Variants in DISP1 observed in about 807,000 individuals in gnomAD.
The protein encoded by DISP1 is dispatched RND transporter family member 1, also known as protein dispatched homolog 1.
Under a neutral mutation model 37.3 loss-of-function variants are expected in DISP1, and 30 were observed. That is an observed-to-expected ratio of 0.80 (90% CI 0.60 to 1.09). The LOEUF is 1.09. Among genes scored for constraint, DISP1 ranks in the 50% least tolerant of loss-of-function variants. The probability of loss-of-function intolerance (pLI) is 0.00; values close to 1 mark genes in which losing one functional copy is unlikely to be tolerated. For missense variants in DISP1, 1,598 were observed against 1,879.5 expected, an observed-to-expected ratio of 0.85 and a Z score of 2.77; for synonymous variants, 634 against 690.2, an observed-to-expected ratio of 0.92 and a Z score of 1.28.
At chr1:222,988,763 C>G (rs1253352311) in intron 4 of DISP1, among the ~76,000 whole-genome samples, 1 of 151,386 alleles carries the variant, frequency 6.6e-6, no homozygotes, top group Non-Finnish European at 1.5e-5. Context: ...AAGTAATTCT[C>G]CTGCCTCAGC....
At chr1:222,838,206 T>C (rs1667364175) in intron 1 of DISP1, among the ~76,000 whole-genome samples, 2 of 152,190 alleles carry the variant, frequency 1.3e-5, no homozygotes, top group Non-Finnish European at 2.9e-5. Flanking sequence ...TTCATTGTTA[T>C]AATTATGTAT....
rs186453195 is a variant in DISP1, at chr1:222,938,218, A to G, written c.-17-4589A>G. On this transcript the variant is annotated intron_variant, in intron 2 of 8. Coordinates refer to ENST00000675850, the MANE Select transcript of DISP1 (RefSeq NM_001377229.1). The stretch of plus-strand genomic sequence containing the variant: ...AGTTACTCATTATATTTTACCCAAA[A>G]CCGATTTTAAACTTTCACTATAAAT... Among the ~76,000 whole-genome samples, 362 of 152,092 alleles carry G rather than the reference A, an allele frequency of 2.4e-3. 1 individual carries two copies. Among genetic ancestry groups the G allele is most frequent in the African/African-American group, 8.4e-3 (349 of 41,530 alleles).
chr1:222,879,492 G>A (rs1670155805), intron 1 of DISP1, among the ~76,000 whole-genome samples: 1 of 151,996 alleles, frequency 6.6e-6, no homozygotes, highest in Admixed American at 6.5e-5. Flanking sequence ...AGATATTTTG[G>A]AAATTATATA....
intron 3 of DISP1, among the ~76,000 whole-genome samples, chr1:222,973,518 C>CAA (rs1350755142): frequency 3.3e-5 from 5 of 152,132 alleles, no homozygotes; most frequent in Admixed American, 2.0e-4. Flanking sequence ...AATGTGTACT[C>CAA]ACATTGTGTA....
At chr1:222,874,574 G>C (rs940773267) in intron 1 of DISP1, among the ~76,000 whole-genome samples, 1 of 151,880 alleles carries the variant, frequency 6.6e-6, no homozygotes, top group African/African-American at 2.4e-5. Flanking sequence ...TTGTGCATTC[G>C]TCATGTAGTT....
chr1:222,900,905 T>C (rs1558319180), intron 1 of DISP1, among the ~76,000 whole-genome samples: 1 of 152,204 alleles, frequency 6.6e-6, no homozygotes, highest in African/African-American at 2.4e-5. Context: ...TTTACTTGTT[T>C]TGTGTTATTT....
intron 1 of DISP1, among the ~76,000 whole-genome samples, chr1:222,914,558 A>G (rs754087368): frequency 4.6e-5 from 7 of 152,172 alleles, no homozygotes; most frequent in Admixed American, 1.3e-4. Flanking sequence ...TGCAAATACT[A>G]TTATGAATAT....
intron 1 of DISP1, among the ~76,000 whole-genome samples, chr1:222,840,091 C>T (rs1359543447): frequency 6.6e-6 from 1 of 152,112 alleles, no homozygotes; most frequent in Non-Finnish European, 1.5e-5. Context: ...TTTATGAAAA[C>T]TGTACTGAAA....
intron 1 of DISP1, among the ~76,000 whole-genome samples, chr1:222,901,103 C>T (rs1221300105): frequency 6.6e-6 from 1 of 152,064 alleles, no homozygotes; most frequent in Non-Finnish European, 1.5e-5. Flanking sequence ...GGTGGGATTG[C>T]AGAAAACTAA....
chr1:222,993,736 A>T (rs1051584713), intron 7 of DISP1, among the ~76,000 whole-genome samples: 2 of 152,220 alleles, frequency 1.3e-5, no homozygotes, highest in Admixed American at 6.5e-5. Context: ...CTTAACCAAC[A>T]TCTGTTAGTT....
chr1:222,816,420 A>G (rs1661268311), intron 1 of DISP1, among the ~76,000 whole-genome samples: 1 of 152,218 alleles, frequency 6.6e-6, no homozygotes, highest in African/African-American at 2.4e-5. Context: ...AGGAAGAATC[A>G]TAACACTGTC....
In DISP1 at chr1:223,003,165, C is replaced by T; in HGVS notation, c.1768C>T (p.His590Tyr). Residue 590 changes from histidine to tyrosine, a missense_variant, in exon 9 of 9, where the codon CAT (histidine) becomes TAT (tyrosine). Physicochemically the swap from His to Tyr is moderately conservative, Grantham distance 83. Transcript: ENST00000675850. This position sits in a 1 kb window ranked among gnomAD's most constrained non-coding sequence, Gnocchi z 4.3. ...GAACTACACAAAATTTGATAAGCCT[C>T]ATGCCGAAACCTCAGAAACAGTAAG... ...VWNYTKFDKP[H>Y]AETSETVSIT... The T allele has an allele frequency of 6.2e-7, 1 of 1,614,216 alleles. No homozygotes were observed. The highest frequency in any genetic ancestry group is 8.5e-7 in the Non-Finnish European group (1 of 1,180,036).
At chr1:222,877,711 T>A (rs1670043026) in intron 1 of DISP1, among the ~76,000 whole-genome samples, 1 of 152,238 alleles carries the variant, frequency 6.6e-6, no homozygotes, top group Non-Finnish European at 1.5e-5. Flanking sequence ...ATGTAAATTT[T>A]ACCTATTATC....
Position 222,990,640 on chromosome 1 carries a change from A to G in DISP1, c.555A>G (p.Ile185Met). 1.2e-6 allele frequency: 2 copies of G among 1,614,122 alleles called. No homozygotes were observed. The highest frequency in any genetic ancestry group is 2.2e-5 in the South Asian group (2 of 91,076). The change falls in exon 5 of 9, where the codon ATA becomes ATG. Residue 185 changes from isoleucine (I) to methionine (M), a missense_variant. Transcript: ENST00000675850. ...TGTTTTGTAGTTATGCAGCCCTGAT[A>G]GCCGACTGGCCGGTGGTGGTCTTGG... is the stretch of plus-strand genomic sequence containing the variant. ...FKLPKSYAAL[I>M]ADWPVVVLGM...
intron 1 of DISP1, among the ~76,000 whole-genome samples, chr1:222,885,855 G>A (rs773783807): frequency 9.9e-5 from 15 of 151,990 alleles, no homozygotes; most frequent in Non-Finnish European, 1.9e-4. Context: ...GTTCCTCCAT[G>A]TCTATCATGG....
chr1:222,815,554 C>T (rs1307171769), intron 1 of DISP1, among the ~76,000 whole-genome samples: 1 of 152,092 alleles, frequency 6.6e-6, no homozygotes, highest in Non-Finnish European at 1.5e-5. Flanking sequence ...GAAAGATGAC[C>T]AGCCACCTAT....
intron 1 of DISP1, among the ~76,000 whole-genome samples, chr1:222,857,723 A>G (rs959547410): frequency 2.0e-5 from 3 of 152,204 alleles, no homozygotes; most frequent in African/African-American, 7.2e-5. Context: ...TACAGCTAAC[A>G]AGGGAAGTAA....
chr1:222,822,247 A>C (rs1663128964), intron 1 of DISP1, among the ~76,000 whole-genome samples: 1 of 152,206 alleles, frequency 6.6e-6, no homozygotes, highest in South Asian at 2.1e-4. Context: ...ACTTGTGTTC[A>C]GAAGGTTGGT....
At chr1:222,836,261 G>T (rs935924591) in intron 1 of DISP1, among the ~76,000 whole-genome samples, 1 of 152,138 alleles carries the variant, frequency 6.6e-6, no homozygotes, top group African/African-American at 2.4e-5. Context: ...GACTGTGAAG[G>T]TTTCTTCCTG....
Sources: gnomAD v4.1 joint callset for allele counts (sites outside exome capture counted in the v4.1 genomes callset) on GRCh38, gnomAD v4.1.1 for gene constraint, Gnocchi (gnomAD v3.1) non-coding constraint, MANE v1.5 for transcripts, NCBI Gene and HGNC (gene_info 2026-07-23, HGNC 2026-07-21) for gene names.